The following FGL1 variants were observed in gnomAD, a reference collection of about 807,000 sequenced individuals.
FGL1 encodes fibrinogen like 1.
In FGL1, 59 loss-of-function variants were observed where a neutral mutation model predicts 43.7. The ratio of observed to expected loss-of-function variants is 1.35; its 90% CI spans 1.10 to 1.68. The LOEUF (loss-of-function observed/expected upper bound fraction) is 1.68, where lower values mean the gene tolerates loss of function less well. FGL1 is among the 40% of genes most tolerant of loss of function. The pLI is 0.00. For synonymous variants in FGL1, 192 were observed against 126.5 expected (o/e 1.52, Z -3.48); for missense variants, 596 against 373.0 (o/e 1.60, Z -4.92).
rs2053459344 is a variant in FGL1, at chr8:17,876,578, AT to A, written c.245-2058del. ...CAAGAAGCAAAACAATGAGAAAATG[AT>A]TATCTAAAATTAGTTCAATGTTGTT... On this transcript the variant is annotated intron_variant, in intron 3 of 7. Coordinates refer to ENST00000427924, the MANE Select transcript of FGL1 (RefSeq NM_004467.4). 2.0e-5 allele frequency among the ~76,000 whole-genome samples: 3 copies of A among 152,208 alleles called. No homozygotes were observed. In the South Asian group the frequency reaches 6.2e-4, roughly 31 times the overall value.
intron 3 of FGL1, among the ~76,000 whole-genome samples, chr8:17,881,588 C>T (rs984333655): frequency 4.9e-4 from 74 of 151,574 alleles, no homozygotes; most frequent in South Asian, 1.9e-3. Context: ...AATCCCAGCA[C>T]TTTGGGAGGC....
Position 17,864,717 on chromosome 8 carries a change from T to C in FGL1, c.814A>G (p.Ser272Gly), listed in dbSNP as rs372970312. ...TCTGTTTTAGCCGTGTAGGGGCCGCTGTAGTATACACCATTCAGGTTTGCA... is the reference window on the plus strand; with the variant it reads ...TCTGTTTTAGCCGTGTAGGGGCCGCCGTAGTATACACCATTCAGGTTTGCA... ...HSANLNGVYY[S>G]GPYTAKTDNG... The change falls in exon 8 of 8, where the codon AGC becomes GGC. Residue 272 changes from serine to glycine, a missense_variant. Coordinates refer to ENST00000427924, the MANE Select transcript of FGL1 (RefSeq NM_004467.4). 82 of 1,610,672 alleles carry C rather than the reference T, an allele frequency of 5.1e-5. No individual in the cohort carries two copies. In the East Asian group the frequency reaches 8.3e-4, roughly 16 times the overall value.
At chr8:17,878,132 T>TA (rs2053484207) in intron 3 of FGL1, among the ~76,000 whole-genome samples, 1 of 152,018 alleles carries the variant, frequency 6.6e-6, no homozygotes, top group African/African-American at 2.4e-5. Context: ...ATTTTTTTTT[T>TA]ATAGTGTTAG....
chr8:17,873,743 G>A (rs2053400283), intron 5 of FGL1, among the ~76,000 whole-genome samples: 1 of 149,388 alleles, frequency 6.7e-6, no homozygotes, highest in Non-Finnish European at 1.5e-5. Flanking sequence ...TATATACTAT[G>A]TATAGAATGT....
chr8:17,869,586 C>T (rs185943584), intron 5 of FGL1, among the ~76,000 whole-genome samples: 1 of 152,114 alleles, frequency 6.6e-6, no homozygotes, highest in African/African-American at 2.4e-5. Flanking sequence ...CGAAAACCTT[C>T]GTTTGATACT....
intron 7 of FGL1, among the ~76,000 whole-genome samples, chr8:17,865,585 A>G (rs1254856280): frequency 2.0e-5 from 3 of 152,194 alleles, no homozygotes. Context: ...AATCTAGATA[A>G]GCTGGTTAGG....
At position 17,885,518 on chromosome 8, in the gene FGL1, C is replaced by A; in HGVS notation, c.37G>T (p.Ala13Ser). The A allele has an allele frequency of 6.2e-7, 1 of 1,613,534 alleles. No individual in the cohort carries two copies. Among genetic ancestry groups the A allele is most frequent in the Non-Finnish European group, 8.5e-7 (1 of 1,179,628 alleles). The change falls in exon 2 of 8, where the codon GCT becomes TCT. Residue 13 changes from alanine to serine, a missense_variant. By Grantham distance (99) the Ala-to-Ser change is moderately conservative. Transcript: ENST00000427924. ...GAAATTTCCCTGCCCATTGTCAGAG[C>A]GGTGGTAACAAGGATGAAACTGAAC... ...KVFSFILVTT[A>S]LTMGREISAL...
At chr8:17,880,899 C>T (rs1054751181) in intron 3 of FGL1, among the ~76,000 whole-genome samples, 1 of 152,050 alleles carries the variant, frequency 6.6e-6, no homozygotes, top group African/African-American at 2.4e-5. Context: ...GGAGAAATAC[C>T]TCATTGAAAG....
At chr8:17,877,344 C>T (rs1478710716) in intron 3 of FGL1, among the ~76,000 whole-genome samples, 1 of 152,014 alleles carries the variant, frequency 6.6e-6, no homozygotes, top group Non-Finnish European at 1.5e-5. Context: ...TTATGTGTGT[C>T]CTTTCTCTGA....
chr8:17,881,523 C>T (rs1403888335), intron 3 of FGL1, among the ~76,000 whole-genome samples: 1 of 151,100 alleles, frequency 6.6e-6, no homozygotes, highest in African/African-American at 2.4e-5. Context: ...ATTAAATGCC[C>T]TGGCAGAGAT....
chr8:17,883,944 T>A, intron 2 of FGL1, among the ~76,000 whole-genome samples: 1 of 146,596 alleles, frequency 6.8e-6, no homozygotes, highest in South Asian at 2.2e-4. Context: ...CTTCCCTCCC[T>A]TCCTTCCTTC....
intron 1 of FGL1, among the ~76,000 whole-genome samples, chr8:17,887,261 G>C (rs531977431): frequency 6.6e-6 from 1 of 152,154 alleles, no homozygotes; most frequent in Non-Finnish European, 1.5e-5. Flanking sequence ...GACATTGGAG[G>C]ATTCTCCATC....
chr8:17,885,305 G>A lies in FGL1; in HGVS notation c.63+187C>T, dbSNP rs1181367900. On this transcript the variant is annotated intron_variant, in intron 2 of 7. Transcript: ENST00000427924. ...TGATCCACCCATCTCGGCCTCCCCT[G>A]CAAAAATGTAAAGCGCTTTAAAGTG... Among the ~76,000 whole-genome samples, 3 of 151,838 alleles carry A rather than the reference G, an allele frequency of 2.0e-5. 1 individual carries two copies.
At position 17,895,441 on chromosome 8, in the gene FGL1, A is replaced by G. The variant is rs1017572304; in HGVS notation, c.-18+6T>C. ...GTCAAAAATGCAGAGACATTAAATAACTTGCCTAAAGTCAGAAGTGAGTCA... is the reference window on the plus strand; with the variant it reads ...GTCAAAAATGCAGAGACATTAAATAGCTTGCCTAAAGTCAGAAGTGAGTCA... On this transcript the variant is annotated splice_donor_region_variant and intron_variant, in intron 1 of 7. Coordinates refer to ENST00000427924, the MANE Select transcript of FGL1 (RefSeq NM_004467.4). 6.2e-6 allele frequency: 8 copies of G among 1,283,582 alleles called. No homozygotes were observed. The highest frequency in any genetic ancestry group is 8.1e-6 in the Non-Finnish European group (8 of 984,434). 79.5% of individuals were successfully genotyped at this position (1,283,582 alleles called of 1,614,324 possible). A position where few individuals can be genotyped will look rare whatever the true frequency, so the allele number is the denominator to read the frequency against.
intron 5 of FGL1, among the ~76,000 whole-genome samples, chr8:17,870,095 G>A (rs1329512064): frequency 6.6e-6 from 1 of 152,018 alleles, no homozygotes; most frequent in Admixed American, 6.5e-5. Context: ...GGGCGACAGA[G>A]CGAGACTCCG....
chr8:17,885,640 T>G (rs924712767), intron 1 of FGL1, 69 bp from the exon 2 acceptor site: 40 of 1,333,930 alleles, frequency 3.0e-5, no homozygotes, highest in Non-Finnish European at 3.6e-5. Context: ...AGTTCAGACT[T>G]CAGTAGCTCC....
rs536110624 is a variant in FGL1, at chr8:17,894,616, A to G, written c.-18+831T>C. Among the ~76,000 whole-genome samples, 5 of 146,850 alleles carry G rather than the reference A, an allele frequency of 3.4e-5. 1 individual carries two copies. Among genetic ancestry groups the G allele is most frequent in the African/African-American group, 1.1e-4 (4 of 37,324 alleles). ...TTTATACTGAAACTGTAAACCTATCATTTACGTCAAACTCCCATGCAATTC... is the reference window on the plus strand; with the variant it reads ...TTTATACTGAAACTGTAAACCTATCGTTTACGTCAAACTCCCATGCAATTC... On this transcript the variant is annotated intron_variant, in intron 1 of 7. Coordinates refer to ENST00000427924, the MANE Select transcript of FGL1 (RefSeq NM_004467.4).
chr8:17,877,385 T>C (rs1190314609), intron 3 of FGL1, among the ~76,000 whole-genome samples: 1 of 152,224 alleles, frequency 6.6e-6, no homozygotes, highest in East Asian at 1.9e-4. Flanking sequence ...GTTGGAAGGC[T>C]GAATGTTTAA....
chr8:17,873,194 C>T (rs189443253), intron 5 of FGL1, among the ~76,000 whole-genome samples: 1 of 152,168 alleles, frequency 6.6e-6, no homozygotes, highest in Non-Finnish European at 1.5e-5. Flanking sequence ...AAAGTCTGAG[C>T]TGCTCCTGTG....
Sources: allele counts gnomAD v4.1 joint callset (sites outside exome capture counted in the v4.1 genomes callset), GRCh38; gene constraint gnomAD v4.1.1; transcripts MANE v1.5; gene names NCBI Gene and HGNC (gene_info 2026-07-23, HGNC 2026-07-21).